WDFY4: variants seen among roughly 807,000 people sequenced by gnomAD.
WDFY4 encodes WD repeat- and FYVE domain-containing protein 4.
WDFY4 carries 169 observed loss-of-function variants against 351.9 expected under a neutral mutation model. The ratio of observed to expected loss-of-function variants is 0.48; its 90% CI spans 0.42 to 0.55. WDFY4 has a LOEUF of 0.55. WDFY4 is among the 20% of genes least tolerant of loss of function. WDFY4 has a pLI of 0.00. For synonymous variants in WDFY4, 1,622 were observed against 1,574.6 expected (o/e 1.03, Z -0.71); for missense variants, 3,803 against 3,935.6 (o/e 0.97, Z 0.90).
At chr10:48,928,553 G>A (rs1403147712) in intron 47 of WDFY4, among the ~76,000 whole-genome samples, 2 of 152,190 alleles carry the variant, frequency 1.3e-5, no homozygotes, top group Non-Finnish European at 1.5e-5. Context: ...CCTGAGTGCA[G>A]GCTTTCAGTT....
chr10:48,961,378 C>T (rs1841853392), intron 53 of WDFY4, among the ~76,000 whole-genome samples: 1 of 152,084 alleles, frequency 6.6e-6, no homozygotes. Context: ...AAAGATGTAG[C>T]CAAAAACAGG....
intron 38 of WDFY4, among the ~76,000 whole-genome samples, chr10:48,832,042 T>G (rs1276934469): frequency 1.3e-5 from 2 of 152,252 alleles, no homozygotes. Context: ...TCTACTTTCA[T>G]GTACTTTTAA....
chr10:48,836,225 T>C (rs2068388285), intron 39 of WDFY4, among the ~76,000 whole-genome samples: 1 of 152,244 alleles, frequency 6.6e-6, no homozygotes, highest in African/African-American at 2.4e-5. Context: ...AGCAATGTAA[T>C]TGATATTTTC....
intron 12 of WDFY4, among the ~76,000 whole-genome samples, chr10:48,756,508 C>T (rs2065342146): frequency 1.3e-5 from 2 of 151,898 alleles, no homozygotes; most frequent in Non-Finnish European, 2.9e-5. Context: ...TCCAGTATTA[C>T]ATCCAATAGC....
rs190799210 is a variant in WDFY4 at position 48,883,215 on chromosome 10, G to A, written c.7167+6016G>A. On this transcript the variant is annotated intron_variant, in intron 43 of 61. Transcript: ENST00000325239. ...GCCTGGGATGCAACATGCCAAGCAG[G>A]TGCCTACCTGCCCTCCTGCATGTGC... Among the ~76,000 whole-genome samples the A allele has an allele frequency of 4.0e-3, 602 of 152,352 alleles. 6 individuals are homozygous for A. Among genetic ancestry groups the A allele is most frequent in the Admixed American group, 0.011 (166 of 15,308 alleles).
At chr10:48,953,417 T>A (rs1371445799) in intron 51 of WDFY4, among the ~76,000 whole-genome samples, 1 of 149,876 alleles carries the variant, frequency 6.7e-6, no homozygotes, top group East Asian at 2.0e-4. Context: ...GCATGGGCGG[T>A]TAAAGAGATT....
chr10:48,980,704 C>T (rs1416126150), intron 60 of WDFY4, among the ~76,000 whole-genome samples: 3 of 152,178 alleles, frequency 2.0e-5, no homozygotes, highest in African/African-American at 7.2e-5. Flanking sequence ...TGTCTGCACA[C>T]ATGGGTGGTC....
At chr10:48,978,281 G>A (rs1345090567) in intron 59 of WDFY4, 28 bp from the exon 60 acceptor site, 17 of 1,547,008 alleles carry the variant, frequency 1.1e-5, no homozygotes, top group South Asian at 8.4e-5. Flanking sequence ...CGTCTTCCCC[G>A]CCGATGACAT....
At chr10:48,756,444 T>A (rs1425909605) in intron 12 of WDFY4, among the ~76,000 whole-genome samples, 1 of 151,948 alleles carries the variant, frequency 6.6e-6, no homozygotes, top group East Asian at 1.9e-4. Context: ...ATGAAGACAA[T>A]CTCATCGTCT....
intron 23 of WDFY4, among the ~76,000 whole-genome samples, chr10:48,794,689 C>T (rs565999100): frequency 6.6e-6 from 1 of 152,050 alleles, no homozygotes; most frequent in Non-Finnish European, 1.5e-5. Context: ...ACAGTTATGT[C>T]AAGGAATCTG....
chr10:48,872,454 G>A (rs771389802), intron 40 of WDFY4, among the ~76,000 whole-genome samples: 4 of 152,170 alleles, frequency 2.6e-5, no homozygotes, highest in Non-Finnish European at 5.9e-5. Flanking sequence ...CTGGGTAGAG[G>A]AAATGAGATA....
At chr10:48,978,521 C>A in intron 60 of WDFY4, 128 bp downstream of exon 60, 1 of 840,604 alleles carries the variant, frequency 1.2e-6, no homozygotes, top group Non-Finnish European at 1.8e-6. Context: ...CCTAGGAAGG[C>A]ACAGAGAGGT....
intron 39 of WDFY4, among the ~76,000 whole-genome samples, chr10:48,854,839 A>C (rs2069081620): frequency 6.6e-6 from 1 of 152,176 alleles, no homozygotes; most frequent in Admixed American, 6.5e-5. Flanking sequence ...CATTTATCTG[A>C]AGGCAGCTGC....
At position 48,830,860 on chromosome 10, in the gene WDFY4, G is replaced by C. The variant is rs913803494; in HGVS notation, c.6501G>C (p.Met2167Ile). ...TCACACCGCTCTGGGAGGAGACGATGCTCAAGGCCTGGCAGCATTACTTAG... is the reference window on the plus strand; with the variant it reads ...TCACACCGCTCTGGGAGGAGACGATCCTCAAGGCCTGGCAGCATTACTTAG... ...EEVTPLWEET[M>I]LKAWQHYLAS... is the part of the protein sequence containing the mutation. The change falls in exon 38 of 62, where the codon ATG becomes ATC. Residue 2167 changes from methionine (M) to isoleucine (I), a missense_variant. Physicochemically the swap from Met to Ile is conservative, Grantham distance 10. Transcript: ENST00000325239. 6.4e-7 allele frequency: 1 copy of C among 1,551,504 alleles called. No homozygotes were observed. Among genetic ancestry groups the C allele is most frequent in the South Asian group, 1.2e-5 (1 of 84,052 alleles).
intron 8 of WDFY4, 94 bp downstream of exon 8, chr10:48,729,683 C>T: frequency 6.9e-7 from 1 of 1,450,896 alleles, no homozygotes; most frequent in Non-Finnish European, 9.3e-7. Flanking sequence ...GTGTACCTTT[C>T]AATGGTGCAG....
intron 47 of WDFY4, among the ~76,000 whole-genome samples, chr10:48,925,026 C>CTTTGGGA (rs1839451198): frequency 6.6e-6 from 1 of 152,204 alleles, no homozygotes; most frequent in African/African-American, 2.4e-5. Context: ...CATTTCACAG[C>CTTTGGGA]CAGTATTTGG....
chr10:48,920,302 T>G, intron 47 of WDFY4, among the ~76,000 whole-genome samples: 2 of 128,312 alleles, frequency 1.6e-5, no homozygotes, highest in African/African-American at 6.2e-5. Flanking sequence ...CACTCATAGG[T>G]GGGAATTGAA....
chr10:48,824,294 GT>G, intron 35 of WDFY4: 3 of 628,586 alleles, frequency 4.8e-6, no homozygotes, highest in African/African-American at 2.0e-5. Context: ...CGTCTATGGT[GT>G]TTTTATGACA....
At chr10:48,827,267 G>A (rs542913662) in intron 36 of WDFY4, among the ~76,000 whole-genome samples, 28 of 151,828 alleles carry the variant, frequency 1.8e-4, no homozygotes, top group Non-Finnish European at 3.7e-4. Context: ...TGCAATCTTA[G>A]AAAGGAAAAA....
Sources: allele counts gnomAD v4.1 joint callset (sites outside exome capture counted in the v4.1 genomes callset), GRCh38; gene constraint gnomAD v4.1.1; transcripts MANE v1.5; gene names NCBI Gene and HGNC (gene_info 2026-07-23, HGNC 2026-07-21).